Variants in SMARCA4 observed in about 807,000 individuals in gnomAD.
SMARCA4 encodes SWI/SNF related BAF chromatin remodeling complex subunit ATPase 4.
Under a neutral mutation model 193.9 loss-of-function variants are expected in SMARCA4, and 31 were observed. That is an observed-to-expected ratio of 0.16 (90% confidence interval 0.12 to 0.22). The LOEUF (loss-of-function observed/expected upper bound fraction) is 0.22. Among genes scored for constraint, SMARCA4 ranks in the 10% least tolerant of loss-of-function variants. The pLI is 1.00. For missense variants in SMARCA4, 1,148 were observed against 2,296.0 expected (o/e 0.50, Z 10.22); for synonymous variants, 942 against 933.1 (o/e 1.01, Z -0.17).
chr19:10,971,257 T>A (rs924129759), intron 1 of SMARCA4, among the ~76,000 whole-genome samples: 4 of 152,098 alleles, frequency 2.6e-5, no homozygotes, highest in Non-Finnish European at 4.4e-5. Context: ...CCACACTGGC[T>A]GACTTGCTGT....
chr19:11,050,340 G>A (rs2076189995), intron 30 of SMARCA4, among the ~76,000 whole-genome samples: 2 of 152,234 alleles, frequency 1.3e-5, no homozygotes, highest in African/African-American at 4.8e-5. Context: ...CAGCAGCCCT[G>A]TGGTTACTGT....
Position 10,987,024 on chromosome 19 carries a change from T to C in SMARCA4, c.859+21T>C. On this transcript the variant is annotated intron_variant, in intron 5 of 34. Coordinates refer to ENST00000344626, the MANE Select transcript of SMARCA4 (RefSeq NM_003072.5). This position sits in a 1 kb window ranked among gnomAD's most constrained non-coding sequence, Gnocchi z 5.3. ...TGAAGGTGAGCTCCCTCTTCTATGG[T>C]GGTGCACCCGTGCCCTTACTCCCCA... 6.4e-7 allele frequency: 1 copy of C among 1,560,678 alleles called. No individual in the cohort carries two copies. The highest frequency in any genetic ancestry group is 1.1e-5 in the South Asian group (1 of 90,070).
rs1600469779 is a variant in SMARCA4 at position 11,041,581 on chromosome 19, G to T, written c.4424+21G>T. ...GACAGGTAAGCGAGGAGGCGGGGAG[G>T]GCGGGGGCTGTAGGGGTCCCCGTGG... On this transcript the variant is annotated intron_variant, in intron 30 of 34. Transcript: ENST00000344626. The surrounding 1 kb of genome is among the most constrained non-coding windows in gnomAD (Gnocchi z 5.6). 2.5e-6 allele frequency: 4 copies of T among 1,609,014 alleles called. No individual in the cohort carries two copies. The East Asian group carries it at 8.9e-5, about 36-fold the overall frequency.
chr19:11,039,100 C>A (rs888509847), intron 29 of SMARCA4, among the ~76,000 whole-genome samples: 1 of 152,130 alleles, frequency 6.6e-6, no homozygotes, highest in Non-Finnish European at 1.5e-5. Context: ...TGCCTGTAAT[C>A]CCAAGCACTT....
chr19:11,055,833 A>G lies in SMARCA4; in HGVS notation c.4425-2422A>G, dbSNP rs139751777. Among the ~76,000 whole-genome samples, 883 of 152,214 alleles carry G rather than the reference A, an allele frequency of 5.8e-3. 9 individuals carry two copies. Among genetic ancestry groups the G allele is most frequent in the Non-Finnish European group, 8.0e-3 (547 of 68,012 alleles). ...GGTCTCAAACTCCTGGGCTCAAGCA[A>G]TCCTCCCACGTTGGCCTCCCAAAGT... On this transcript the variant is annotated intron_variant, in intron 30 of 34. Coordinates refer to ENST00000344626, the MANE Select transcript of SMARCA4 (RefSeq NM_003072.5).
In SMARCA4 at chr19:11,061,946, C is replaced by A; in HGVS notation, c.*130C>A. On this transcript the variant is annotated 3_prime_UTR_variant, in exon 35 of 35. Coordinates refer to ENST00000344626, the MANE Select transcript of SMARCA4 (RefSeq NM_003072.5). ...AAAACTGTATAAACAAAAGAATCTTCCATATTTATACAGCAGAGAAGCTGT... is the reference window on the plus strand; with the variant it reads ...AAAACTGTATAAACAAAAGAATCTTACATATTTATACAGCAGAGAAGCTGT... 1 of 890,764 alleles carries A rather than the reference C, an allele frequency of 1.1e-6. No individual in the cohort carries two copies. Among genetic ancestry groups the A allele is most frequent in the South Asian group, 1.3e-5 (1 of 74,118 alleles). The allele number at this position is 890,764 out of a possible 1,614,324, so 55.2% of individuals were successfully genotyped here. A position where few individuals can be genotyped will look rare whatever the true frequency, so the allele number is the denominator to read the frequency against.
At chr19:11,014,467 A>G (rs1319714856) in intron 16 of SMARCA4, among the ~76,000 whole-genome samples, 1 of 152,234 alleles carries the variant, frequency 6.6e-6, no homozygotes, top group Non-Finnish European at 1.5e-5. Context: ...ACAGCGCTGC[A>G]GGTAGCTGCA....
chr19:10,995,069 A>G (rs768946910), intron 9 of SMARCA4, 68 bp downstream of exon 9: 5 of 1,426,132 alleles, frequency 3.5e-6, no homozygotes, highest in Non-Finnish European at 3.9e-6. Flanking sequence ...TCCAGGGGTC[A>G]CTCCCCAGGG....
At chr19:11,035,204 C>G in intron 29 of SMARCA4, 72 bp downstream of exon 29, 2 of 1,401,278 alleles carry the variant, frequency 1.4e-6, no homozygotes, top group Non-Finnish European at 2.0e-6. Flanking sequence ...AAGGGCCCAC[C>G]GCCAGGACTC....
chr19:11,024,582 C>T lies in SMARCA4; in HGVS notation c.3081+144C>T. 3 of 699,838 alleles carry T rather than the reference C, an allele frequency of 4.3e-6. No homozygotes were observed. In the Admixed American group the frequency reaches 6.0e-5, roughly 14 times the overall value. The allele number at this position is 699,838 out of a possible 1,614,324, so 43.4% of individuals were successfully genotyped here. On this transcript the variant is annotated intron_variant, in intron 21 of 34. Coordinates refer to ENST00000344626, the MANE Select transcript of SMARCA4 (RefSeq NM_003072.5). ...ATCTGGCCAGCCCTGGTTATGATGG[C>T]TGGTGGCTTGTGTCAGGACACACTG...
In SMARCA4 at chr19:10,983,802, G is replaced by A. The variant is rs967491258; in HGVS notation, c.-31-319G>A. The stretch of plus-strand genomic sequence containing the variant: ...AAGATAAGCAAGTGGAGAGCAGTGT[G>A]AAGGGTAGACCAGCACCCCCTGAGA... On this transcript the variant is annotated intron_variant, in intron 1 of 34. Coordinates refer to ENST00000344626, the MANE Select transcript of SMARCA4 (RefSeq NM_003072.5). 6.9e-6 allele frequency: 3 copies of A among 431,672 alleles called. No homozygotes were observed. In the Admixed American group the frequency reaches 1.0e-4, roughly 15 times the overall value. 26.7% of individuals were successfully genotyped at this position (431,672 alleles called of 1,614,324 possible).
At chr19:11,020,105 A>G (rs1427178231) in intron 18 of SMARCA4, among the ~76,000 whole-genome samples, 1 of 152,180 alleles carries the variant, frequency 6.6e-6, no homozygotes, top group Non-Finnish European at 1.5e-5. Flanking sequence ...ACCACAGGCC[A>G]TGGGCTGAGA....
chr19:10,982,656 T>C (rs543698283), intron 1 of SMARCA4, among the ~76,000 whole-genome samples: 6 of 152,024 alleles, frequency 3.9e-5, no homozygotes, highest in South Asian at 2.1e-4. Context: ...CCTGCCACCA[T>C]GCCCGGCTAA....
Position 11,059,854 on chromosome 19 carries a change from A to AGAGGGC in SMARCA4, c.4742_4747dup (p.Gly1581_Glu1582dup), listed in dbSNP as rs2055163263. On this transcript the variant is annotated inframe_insertion, in exon 33 of 35. Coordinates refer to ENST00000344626, the MANE Select transcript of SMARCA4 (RefSeq NM_003072.5). ...AAGGCGAGGAGAGTGAGGAGGAGGA[A>AGAGGGC]GAGGGCGAGGAGGAAGGCTCCGAAT... 1.9e-6 allele frequency: 3 copies of AGAGGGC among 1,613,834 alleles called. No homozygotes were observed. Among genetic ancestry groups the AGAGGGC allele is most frequent in the African/African-American group, 2.7e-5 (2 of 74,950 alleles).
chr19:11,058,745 G>A lies in SMARCA4; in HGVS notation c.4534-43G>A. The A allele has an allele frequency of 6.5e-7, 1 of 1,542,276 alleles. No homozygotes were observed. Among genetic ancestry groups the A allele is most frequent in the Non-Finnish European group, 9.0e-7 (1 of 1,115,044 alleles). On this transcript the variant is annotated intron_variant, in intron 31 of 34. Transcript: ENST00000344626. This position sits in a 1 kb window ranked among gnomAD's most constrained non-coding sequence, Gnocchi z 5.8. ...CACAGCCAGGCCTGCGGGCAGGCGA[G>A]GCGGGGTCCTGAGGTAAGACCTGCT...
At chr19:11,007,560 G>A (rs920547391) in intron 13 of SMARCA4, among the ~76,000 whole-genome samples, 6 of 151,470 alleles carry the variant, frequency 4.0e-5, no homozygotes, top group Non-Finnish European at 8.8e-5. Flanking sequence ...GGAATGTCAC[G>A]AGACTACATA....
chr19:10,977,631 C>A (rs77852523), intron 1 of SMARCA4: 8,135 of 152,338 alleles, frequency 0.053, 286 homozygotes, highest in South Asian at 0.11. Context: ...GCCCATGACT[C>A]AGTTTTCTCA....
chr19:10,984,669 G>A lies in SMARCA4; in HGVS notation c.222+296G>A, dbSNP rs1395286288. Among the ~76,000 whole-genome samples, 1 of 152,264 alleles carries A rather than the reference G, an allele frequency of 6.6e-6. No individual in the cohort carries two copies. The highest frequency in any genetic ancestry group is 1.5e-5 in the Non-Finnish European group (1 of 68,046). ...AATATCACTACAAAGTTTTCTTTTG[G>A]TAATGAAGAAAAACATCCAAATTCC... On this transcript the variant is annotated intron_variant, in intron 2 of 34. Coordinates refer to ENST00000344626, the MANE Select transcript of SMARCA4 (RefSeq NM_003072.5). The surrounding 1 kb of genome is among the most constrained non-coding windows in gnomAD (Gnocchi z 4.3).
In SMARCA4 at chr19:10,986,790, C is replaced by T. The variant is rs904522996; in HGVS notation, c.761-115C>T. 28 of 1,228,600 alleles carry T rather than the reference C, an allele frequency of 2.3e-5. No homozygotes were observed. Among genetic ancestry groups the T allele is most frequent in the Non-Finnish European group, 3.2e-5 (27 of 848,808 alleles). The allele number at this position is 1,228,600 out of a possible 1,614,324, so 76.1% of individuals were successfully genotyped here. On this transcript the variant is annotated intron_variant, in intron 4 of 34. Transcript: ENST00000344626. The surrounding 1 kb of genome is among the most constrained non-coding windows in gnomAD (Gnocchi z 6.7). Reference sequence around the variant, plus strand: ...CCCAGCTCCCCGCTTCCCCTGGGGCCGCTGGTTAATAGGTGTATCTGCTGT... The same window carrying T: ...CCCAGCTCCCCGCTTCCCCTGGGGCTGCTGGTTAATAGGTGTATCTGCTGT...
Sources: gnomAD v4.1 joint callset for allele counts (sites outside exome capture counted in the v4.1 genomes callset) on GRCh38, gnomAD v4.1.1 for gene constraint, Gnocchi (gnomAD v3.1) non-coding constraint, MANE v1.5 for transcripts, NCBI Gene and HGNC (gene_info 2026-07-23, HGNC 2026-07-21) for gene names.